ZBTB8A: variants seen among roughly 807,000 people sequenced by gnomAD.
ZBTB8A encodes the protein zinc finger and BTB domain containing 8A, also known as zinc finger and BTB domain-containing protein 8A.
ZBTB8A carries 19 observed loss-of-function variants against 37.8 expected under a neutral mutation model. That is an observed-to-expected ratio of 0.50 (90% CI 0.35 to 0.74). ZBTB8A has a LOEUF of 0.74. Among genes scored for constraint, ZBTB8A ranks in the 30% least tolerant of loss-of-function variants. The probability of loss-of-function intolerance (pLI) is 0.01; values close to 1 mark genes in which losing one functional copy is unlikely to be tolerated. For missense variants in ZBTB8A, 394 were observed against 537.8 expected, an observed-to-expected ratio of 0.73 and a Z score of 2.65; for synonymous variants, 181 against 185.2, an observed-to-expected ratio of 0.98 and a Z score of 0.19.
chr1:32,539,972 G>GAGGGC lies in ZBTB8A; in HGVS notation c.-84+411_-84+415dup, dbSNP rs537614858. On this transcript the variant is annotated intron_variant, in intron 1 of 4. Transcript: ENST00000373510. Reference sequence around the variant, plus strand: ...GGCGGCCGCCGCGGGGGCGCGCGGGGAGGGCAGGGCAGGGCCGGGGCCGGA... The same window carrying GAGGGC: ...GGCGGCCGCCGCGGGGGCGCGCGGGGAGGGCAGGGCAGGGCAGGGCCGGGGCCGGA... 2.2e-4 allele frequency among the ~76,000 whole-genome samples: 33 copies of GAGGGC among 151,586 alleles called. 1 individual carries two copies. In the South Asian group the frequency reaches 6.0e-3, roughly 28 times the overall value.
At chr1:32,556,113 C>T (rs2148220963) in intron 2 of ZBTB8A, among the ~76,000 whole-genome samples, 1 of 151,108 alleles carries the variant, frequency 6.6e-6, no homozygotes, top group East Asian at 2.0e-4. Context: ...TCACTCTGTC[C>T]CCCAGGCTGG....
rs813688 is a variant in ZBTB8A at position 32,589,384 on chromosome 1, C to T, written c.-1-3547C>T. Among the ~76,000 whole-genome samples, 102 of 149,812 alleles carry T rather than the reference C, an allele frequency of 6.8e-4. 1 individual carries two copies. The highest frequency in any genetic ancestry group is 3.5e-3 in the Middle Eastern group (1 of 284). ...TCCTGCCTCAGCCTCCTGAGTAGCTCGGATTACAGGCACCTGCCACCACAC... is the reference window on the plus strand; with the variant it reads ...TCCTGCCTCAGCCTCCTGAGTAGCTTGGATTACAGGCACCTGCCACCACAC... On this transcript the variant is annotated intron_variant, in intron 2 of 4. Coordinates refer to ENST00000373510, the MANE Select transcript of ZBTB8A (RefSeq NM_001040441.3).
At chr1:32,568,455 C>G (rs1285329296) in intron 2 of ZBTB8A, among the ~76,000 whole-genome samples, 4 of 151,926 alleles carry the variant, frequency 2.6e-5, no homozygotes, top group East Asian at 3.9e-4. Flanking sequence ...GGCGTGATCT[C>G]TGCTCACTGC....
chr1:32,565,560 G>T (rs1416313649), intron 2 of ZBTB8A, among the ~76,000 whole-genome samples: 2 of 151,430 alleles, frequency 1.3e-5, no homozygotes, highest in Non-Finnish European at 1.5e-5. Context: ...AGGCTGAGGT[G>T]AGAGGACCTC....
At chr1:32,552,983 T>C (rs1403731687) in intron 1 of ZBTB8A, among the ~76,000 whole-genome samples, 2 of 150,078 alleles carry the variant, frequency 1.3e-5, no homozygotes, top group African/African-American at 4.9e-5. Context: ...TTAACTATTA[T>C]TAACTATTAC....
rs1428422462 is a variant in ZBTB8A, at chr1:32,602,683, TGGGACTTACA to T, written c.*2267_*2276del. ...CTCCTGCCTCAGCCTCCCGAGTAGC[TGGGACTTACA>T]GGCGCCCACCACCACTCCCAGCTAA... On this transcript the variant is annotated 3_prime_UTR_variant, in exon 5 of 5. Coordinates refer to ENST00000373510, the MANE Select transcript of ZBTB8A (RefSeq NM_001040441.3). 6.6e-6 allele frequency: 1 copy of T among 151,626 alleles called. No individual in the cohort carries two copies. The highest frequency in any genetic ancestry group is 1.5e-5 in the Non-Finnish European group (1 of 67,898). 9.4% of individuals were successfully genotyped at this position (151,626 alleles called of 1,614,324 possible).
At chr1:32,539,609 G>A (rs1422283015) in intron 1 of ZBTB8A, 37 bp downstream of exon 1, 1 of 146,382 alleles carries the variant, frequency 6.8e-6, no homozygotes, top group Non-Finnish European at 1.5e-5. Context: ...GAGGGCGGGC[G>A]GGCGTCGGGG....
intron 2 of ZBTB8A, among the ~76,000 whole-genome samples, chr1:32,573,775 A>G (rs540533340): frequency 1.1e-4 from 15 of 136,408 alleles, no homozygotes; most frequent in African/African-American, 4.2e-4. Context: ...ATAAGAATTT[A>G]AAACTATACA....
chr1:32,549,947 A>G (rs1273443337), intron 1 of ZBTB8A, among the ~76,000 whole-genome samples: 1 of 152,222 alleles, frequency 6.6e-6, no homozygotes, highest in African/African-American at 2.4e-5. Flanking sequence ...TTCCCACCTC[A>G]TTTCTGCCTT....
intron 2 of ZBTB8A, among the ~76,000 whole-genome samples, chr1:32,587,027 G>A (rs1025597563): frequency 1.3e-5 from 2 of 151,770 alleles, no homozygotes; most frequent in Non-Finnish European, 2.9e-5. Flanking sequence ...GGCGGTTGAG[G>A]TCAGGAGTTC....
intron 2 of ZBTB8A, among the ~76,000 whole-genome samples, chr1:32,567,818 A>AAAAAAC (rs1413401954): frequency 3.0e-4 from 7 of 23,088 alleles, no homozygotes; most frequent in African/African-American, 3.8e-4. Context: ...AAAAAAAAAA[A>AAAAAAC]AAAAACAAAA....
chr1:32,592,834 A>G (rs1258297636), intron 2 of ZBTB8A, 97 bp from the exon 3 acceptor site: 5 of 992,108 alleles, frequency 5.0e-6, no homozygotes, highest in Non-Finnish European at 5.9e-6. Context: ...ACACCACTGC[A>G]CTGCAGCCTG....
chr1:32,584,949 G>A (rs970689651), intron 2 of ZBTB8A, among the ~76,000 whole-genome samples: 7 of 150,332 alleles, frequency 4.7e-5, no homozygotes, highest in African/African-American at 7.4e-5. Context: ...TAAGAAATGA[G>A]ACAGAAAAAT....
chr1:32,580,452 G>C (rs1051054132), intron 2 of ZBTB8A, among the ~76,000 whole-genome samples: 1 of 151,848 alleles, frequency 6.6e-6, no homozygotes, highest in Admixed American at 6.6e-5. Flanking sequence ...AGGGAAGCTT[G>C]AGGCACGAGA....
chr1:32,600,450 C>A lies in ZBTB8A; in HGVS notation c.*31C>A. 1 of 1,505,684 alleles carries A rather than the reference C, an allele frequency of 6.6e-7. No homozygotes were observed. Among genetic ancestry groups the A allele is most frequent in the South Asian group, 1.2e-5 (1 of 83,204 alleles). The allele number at this position is 1,505,684 out of a possible 1,614,324, so 93.3% of individuals were successfully genotyped here. A position where few individuals can be genotyped will look rare whatever the true frequency, so the allele number is the denominator to read the frequency against. On this transcript the variant is annotated 3_prime_UTR_variant, in exon 5 of 5. Coordinates refer to ENST00000373510, the MANE Select transcript of ZBTB8A (RefSeq NM_001040441.3). ...ATGTGAACCAACAGAGCTGGCATGT[C>A]TGCAATTTACATTGACTTCCTGTAT... is the stretch of plus-strand genomic sequence containing the variant.
At chr1:32,577,108 A>G (rs1644366557) in intron 2 of ZBTB8A, among the ~76,000 whole-genome samples, 1 of 151,632 alleles carries the variant, frequency 6.6e-6, no homozygotes. Flanking sequence ...TCTTGACCTC[A>G]GGTGATCTGC....
In ZBTB8A at chr1:32,572,979, C is replaced by CT. The variant is rs570943894; in HGVS notation, c.-2+19440dup. ...AGCTTTTGGTTTCATTGATTTTTCTCTATCATTTCTTTGGTTTCTATTTTG... is the reference window on the plus strand; with the variant it reads ...AGCTTTTGGTTTCATTGATTTTTCTCTTATCATTTCTTTGGTTTCTATTTTG... On this transcript the variant is annotated intron_variant, in intron 2 of 4. Coordinates refer to ENST00000373510, the MANE Select transcript of ZBTB8A (RefSeq NM_001040441.3). Among the ~76,000 whole-genome samples, 14 of 149,764 alleles carry CT rather than the reference C, an allele frequency of 9.3e-5. No homozygotes were observed. In the East Asian group the frequency reaches 2.8e-3, roughly 29 times the overall value.
chr1:32,586,426 A>G (rs1445438780), intron 2 of ZBTB8A, among the ~76,000 whole-genome samples: 1 of 152,184 alleles, frequency 6.6e-6, no homozygotes, highest in Admixed American at 6.5e-5. Context: ...GCTGGAATAC[A>G]TAAGTAAGCA....
chr1:32,577,973 A>T (rs1297492290), intron 2 of ZBTB8A, among the ~76,000 whole-genome samples: 1 of 151,814 alleles, frequency 6.6e-6, no homozygotes, highest in Admixed American at 6.6e-5. Flanking sequence ...GTGTGATCTC[A>T]GCTCACTGCA....
Sources: allele counts gnomAD v4.1 joint callset (sites outside exome capture counted in the v4.1 genomes callset), GRCh38; gene constraint gnomAD v4.1.1; transcripts MANE v1.5; gene names NCBI Gene and HGNC (gene_info 2026-07-23, HGNC 2026-07-21).